Variants in RXFP1 observed in about 807,000 individuals in gnomAD.
RXFP1 encodes relaxin family peptide receptor 1.
RXFP1 carries 73 observed loss-of-function variants against 89.8 expected under a neutral mutation model. The observed-to-expected ratio is 0.81, with a 90% confidence interval of 0.67 to 0.99. RXFP1 has a LOEUF of 0.99. RXFP1 is among the 50% of genes least tolerant of loss of function. RXFP1 has a pLI of 0.00. For missense variants in RXFP1, 793 were observed against 895.5 expected (o/e 0.89, Z 1.46); for synonymous variants, 277 against 305.5 (o/e 0.91, Z 0.97).
At chr4:158,567,988 A>G (rs753853785) in intron 1 of RXFP1, among the ~76,000 whole-genome samples, 28 of 152,194 alleles carry the variant, frequency 1.8e-4, no homozygotes, top group South Asian at 2.1e-4. Flanking sequence ...ATGAGATGTA[A>G]CACTCACCTC....
intron 11 of RXFP1, 142 bp downstream of exon 11, chr4:158,628,851 C>A: frequency 2.0e-5 from 8 of 409,546 alleles, no homozygotes; most frequent in South Asian, 2.0e-4. Flanking sequence ...CCTCAAGCCA[C>A]AAAGGAATTC....
At chr4:158,608,442 G>A (rs1762945925) in intron 6 of RXFP1, among the ~76,000 whole-genome samples, 1 of 149,536 alleles carries the variant, frequency 6.7e-6, no homozygotes, top group Non-Finnish European at 1.5e-5. Context: ...ATGAGCCATA[G>A]ACCAAGACCC....
chr4:158,574,083 T>C (rs1755717707), intron 2 of RXFP1, among the ~76,000 whole-genome samples: 1 of 152,256 alleles, frequency 6.6e-6, no homozygotes, highest in Admixed American at 6.5e-5. Context: ...TTCAAACTTC[T>C]GAAGCCTTGA....
At chr4:158,583,398 A>C (rs1162178964) in intron 2 of RXFP1, among the ~76,000 whole-genome samples, 2 of 152,188 alleles carry the variant, frequency 1.3e-5, no homozygotes, top group South Asian at 2.1e-4. Context: ...TATTCCACTA[A>C]AGTTGGTGGT....
chr4:158,650,747 T>TAGAGCAA (rs1772543466), intron 17 of RXFP1, among the ~76,000 whole-genome samples: 1 of 152,030 alleles, frequency 6.6e-6, no homozygotes, highest in East Asian at 1.9e-4. Context: ...ACAACCTGGG[T>TAGAGCAA]GATAGAGCAA....
At chr4:158,630,611 T>C (rs1397700339) in intron 11 of RXFP1, among the ~76,000 whole-genome samples, 1 of 152,190 alleles carries the variant, frequency 6.6e-6, no homozygotes, top group Non-Finnish European at 1.5e-5. Context: ...CCAATGCTAA[T>C]CCAGGTTCAG....
chr4:158,606,956 G>A (rs1300867239), intron 5 of RXFP1: 2 of 942,698 alleles, frequency 2.1e-6, no homozygotes, highest in African/African-American at 3.3e-5. Flanking sequence ...GTACTTTTCA[G>A]TCAAAATTTA....
intron 2 of RXFP1, 78 bp from the exon 3 acceptor site, chr4:158,593,323 A>G: frequency 1.3e-6 from 1 of 794,148 alleles, no homozygotes; most frequent in Non-Finnish European, 2.1e-6. Flanking sequence ...ACTGTTTTAA[A>G]GAGAGGACCT....
At chr4:158,571,630 C>A (rs554391432) in intron 1 of RXFP1, among the ~76,000 whole-genome samples, 1 of 151,826 alleles carries the variant, frequency 6.6e-6, no homozygotes, top group Admixed American at 6.6e-5. Flanking sequence ...CCGTGGCACT[C>A]CAGCCTGGGC....
At chr4:158,527,822 TAGAA>T (rs1336920773) in intron 1 of RXFP1, among the ~76,000 whole-genome samples, 1 of 151,986 alleles carries the variant, frequency 6.6e-6, no homozygotes, top group African/African-American at 2.4e-5. Flanking sequence ...ATTTTTCACA[TAGAA>T]AGAAACTAAG....
chr4:158,622,333 T>A (rs1765783755), intron 9 of RXFP1, among the ~76,000 whole-genome samples: 1 of 151,820 alleles, frequency 6.6e-6, no homozygotes, highest in Non-Finnish European at 1.5e-5. Flanking sequence ...AAATTAAAAA[T>A]AGAACTACCA....
At position 158,571,715 on chromosome 4, in the gene RXFP1, T is replaced by C. The variant is rs934202258; in HGVS notation, c.50-983T>C. ...AATGGTAAAACAGTCCTCGGTGGAA[T>C]TTTCCTTTAATAAAAAGCAGCCCCA... is the stretch of plus-strand genomic sequence containing the variant. On this transcript the variant is annotated intron_variant, in intron 1 of 17. Coordinates refer to ENST00000307765, the MANE Select transcript of RXFP1 (RefSeq NM_021634.4). Among the ~76,000 whole-genome samples, 3 of 145,174 alleles carry C rather than the reference T, an allele frequency of 2.1e-5. No homozygotes were observed. In the South Asian group the frequency reaches 6.8e-4, roughly 33 times the overall value.
chr4:158,629,225 A>G (rs1767551750), intron 11 of RXFP1, among the ~76,000 whole-genome samples: 1 of 151,456 alleles, frequency 6.6e-6, no homozygotes, highest in Non-Finnish European at 1.5e-5. Context: ...TAATTTTTGT[A>G]TTTGTAGTAA....
At chr4:158,557,903 G>T (rs1579593224) in intron 1 of RXFP1, among the ~76,000 whole-genome samples, 1 of 152,038 alleles carries the variant, frequency 6.6e-6, no homozygotes, top group Non-Finnish European at 1.5e-5. Context: ...TTTGCTACTC[G>T]ATCTCTGTTA....
chr4:158,607,632 C>T (rs537295777), intron 5 of RXFP1, among the ~76,000 whole-genome samples: 4 of 152,298 alleles, frequency 2.6e-5, no homozygotes, highest in South Asian at 4.1e-4. Context: ...AAATAGTAAG[C>T]TTTGGCTGTT....
At chr4:158,529,449 G>A (rs1743455965) in intron 1 of RXFP1, among the ~76,000 whole-genome samples, 1 of 151,768 alleles carries the variant, frequency 6.6e-6, no homozygotes, top group Admixed American at 6.6e-5. Flanking sequence ...TGTAGAGATG[G>A]GAGTTTCACC....
At position 158,585,446 on chromosome 4, in the gene RXFP1, T is replaced by A. The variant is rs138296966; in HGVS notation, c.188-7955T>A. 3.3e-3 allele frequency among the ~76,000 whole-genome samples: 505 copies of A among 152,316 alleles called. 9 individuals carry two copies. The highest frequency in any genetic ancestry group is 0.028 in the Admixed American group (421 of 15,288). ...CTCATCCTTTGTCCTCATCCCCCAG[T>A]GCCAGTGCCAGGGGAATCTAACAAC... On this transcript the variant is annotated intron_variant, in intron 2 of 17. Coordinates refer to ENST00000307765, the MANE Select transcript of RXFP1 (RefSeq NM_021634.4).
intron 1 of RXFP1, among the ~76,000 whole-genome samples, chr4:158,530,692 A>T (rs1743813112): frequency 6.6e-6 from 1 of 152,222 alleles, no homozygotes; most frequent in African/African-American, 2.4e-5. Flanking sequence ...TGGCCAGTTT[A>T]GCAAAGTCAA....
chr4:158,602,649 A>G (rs1203237713), intron 4 of RXFP1, among the ~76,000 whole-genome samples: 1 of 152,206 alleles, frequency 6.6e-6, no homozygotes, highest in East Asian at 1.9e-4. Context: ...TTTATAGATA[A>G]AGTATAATTT....
Sources: gnomAD v4.1 joint callset for allele counts (sites outside exome capture counted in the v4.1 genomes callset) on GRCh38, gnomAD v4.1.1 for gene constraint, MANE v1.5 for transcripts, NCBI Gene and HGNC (gene_info 2026-07-23, HGNC 2026-07-21) for gene names.